The following GPC3 variants were observed in gnomAD, a reference collection of about 807,000 sequenced individuals.
GPC3 encodes the protein glypican-3.
Under a neutral mutation model 34.4 loss-of-function variants are expected in GPC3, and 3 were observed. The observed-to-expected ratio is 0.09, with a 90% CI of 0.04 to 0.23. The LOEUF is 0.23. Among genes scored for constraint, GPC3 ranks in the 10% least tolerant of loss-of-function variants. GPC3 has a pLI of 1.00. For synonymous variants in GPC3, 177 were observed against 174.0 expected (o/e 1.02, Z -0.13); for missense variants, 351 against 445.6 (o/e 0.79, Z 1.91).
chrX:133,857,676 T>G (rs1286296134), intron 2 of GPC3, among the ~76,000 whole-genome samples: 1 of 111,935 alleles, frequency 8.9e-6, no homozygotes, highest in Non-Finnish European at 1.9e-5. Flanking sequence ...AATGGAGAAC[T>G]GGGAAGCACC....
At chrX:133,960,625 A>T (rs1169130746) in intron 1 of GPC3, among the ~76,000 whole-genome samples, 4 of 111,502 alleles carry the variant, frequency 3.6e-5, no homozygotes, top group Non-Finnish European at 7.5e-5. Flanking sequence ...TGAAAATTGA[A>T]ATCTTTTCTA....
At chrX:133,650,199 C>G (rs1285953337) in intron 6 of GPC3, among the ~76,000 whole-genome samples, 2 of 111,576 alleles carry the variant, frequency 1.8e-5, no homozygotes, top group Non-Finnish European at 3.8e-5. Flanking sequence ...CCATCTTCAA[C>G]CAGAGAGCAA....
chrX:133,804,322 A>T (rs1306110585), intron 2 of GPC3, among the ~76,000 whole-genome samples: 1 of 110,997 alleles, frequency 9.0e-6, no homozygotes, highest in South Asian at 3.9e-4. Context: ...GCGGGGATCG[A>T]GCCCCATTCC....
At chrX:133,557,780 G>A (rs750648234) in intron 7 of GPC3, among the ~76,000 whole-genome samples, 1 of 111,361 alleles carries the variant, frequency 9.0e-6, no homozygotes, top group South Asian at 3.8e-4. Flanking sequence ...CCACTTGACC[G>A]AGAGTTTTTA....
chrX:133,768,963 A>G (rs745439733), intron 2 of GPC3, among the ~76,000 whole-genome samples: 11 of 111,168 alleles, frequency 9.9e-5, no homozygotes, highest in South Asian at 3.8e-4. Context: ...AGAAAGAAGA[A>G]AGAAAGAAAA....
chrX:133,800,991 T>A (rs1481936866), intron 2 of GPC3, among the ~76,000 whole-genome samples: 2 of 112,278 alleles, frequency 1.8e-5, no homozygotes, highest in Admixed American at 1.9e-4. Context: ...CTGCTTTGAT[T>A]TGAAGTCTAC....
intron 6 of GPC3, among the ~76,000 whole-genome samples, chrX:133,639,996 C>G (rs1268770241): frequency 9.0e-6 from 1 of 111,363 alleles, no homozygotes; most frequent in East Asian, 2.8e-4. Context: ...ATTTCAGTTT[C>G]CCAGCAGGGT....
At chrX:133,935,014 A>G (rs1233076218) in intron 2 of GPC3, among the ~76,000 whole-genome samples, 1 of 111,805 alleles carries the variant, frequency 8.9e-6, no homozygotes, top group Non-Finnish European at 1.9e-5. Flanking sequence ...CTCAGTACAT[A>G]CAAATTTGCT....
At chrX:133,858,997 C>T (rs923465911) in intron 2 of GPC3, among the ~76,000 whole-genome samples, 3 of 106,531 alleles carry the variant, frequency 2.8e-5, no homozygotes, top group East Asian at 3.0e-4. Flanking sequence ...AGGAGAATGG[C>T]GTGAACCCGG....
At chrX:133,652,818 A>C (rs1403593740) in intron 6 of GPC3, among the ~76,000 whole-genome samples, 1 of 112,491 alleles carries the variant, frequency 8.9e-6, no homozygotes, top group Non-Finnish European at 1.9e-5. Context: ...AGTTCAAGAC[A>C]AAAGAGCTCA....
chrX:133,572,945 T>A (rs1294889403), intron 7 of GPC3, among the ~76,000 whole-genome samples: 1 of 111,540 alleles, frequency 9.0e-6, no homozygotes, highest in Admixed American at 9.5e-5. Context: ...TAGGCAGAGA[T>A]ATCACAAGAA....
At chrX:133,581,821 G>A (rs2069734341) in intron 7 of GPC3, among the ~76,000 whole-genome samples, 1 of 112,454 alleles carries the variant, frequency 8.9e-6, no homozygotes, top group Non-Finnish European at 1.9e-5. Flanking sequence ...AGTGATAGGA[G>A]CAACTTCTTT....
At chrX:133,947,526 G>A (rs2076374169) in intron 2 of GPC3, among the ~76,000 whole-genome samples, 1 of 111,732 alleles carries the variant, frequency 8.9e-6, no homozygotes, top group Admixed American at 9.4e-5. Context: ...CTCTACTAAA[G>A]CCACAGAATT....
chrX:133,604,217 C>G (rs2070021400), intron 6 of GPC3, among the ~76,000 whole-genome samples: 1 of 111,472 alleles, frequency 9.0e-6, no homozygotes, highest in Non-Finnish European at 1.9e-5. Flanking sequence ...ATTTGCCCCC[C>G]AGGTCCAGAA....
At chrX:133,932,242 G>A (rs894718868) in intron 2 of GPC3, among the ~76,000 whole-genome samples, 5 of 112,188 alleles carry the variant, frequency 4.5e-5, no homozygotes, top group African/African-American at 1.6e-4. Context: ...TCTAAATGGT[G>A]CAACTCCCTT....
At chrX:133,856,860 G>A (rs1408587864) in intron 2 of GPC3, among the ~76,000 whole-genome samples, 1 of 111,536 alleles carries the variant, frequency 9.0e-6, no homozygotes, top group African/African-American at 3.3e-5. Context: ...AATACTTTTA[G>A]GCCCTATCTC....
chrX:133,681,842 T>A (rs753713109), intron 5 of GPC3, among the ~76,000 whole-genome samples: 1 of 111,998 alleles, frequency 8.9e-6, no homozygotes, highest in African/African-American at 3.2e-5. Flanking sequence ...GACAAAAATG[T>A]TTCAGGCGGG....
At chrX:133,739,263 G>A (rs187293374) in intron 3 of GPC3, among the ~76,000 whole-genome samples, 7 of 111,121 alleles carry the variant, frequency 6.3e-5, no homozygotes, top group Non-Finnish European at 1.1e-4. Context: ...CACAGAAGTC[G>A]GGTAAATATT....
intron 2 of GPC3, among the ~76,000 whole-genome samples, chrX:133,935,593 C>T (rs1488370122): frequency 9.0e-6 from 1 of 111,435 alleles, no homozygotes; most frequent in African/African-American, 3.3e-5. Context: ...TTTTCTTAAG[C>T]ATTGTATTTA....
Sources: allele counts gnomAD v4.1 joint callset (sites outside exome capture counted in the v4.1 genomes callset), GRCh38; gene constraint gnomAD v4.1.1; transcripts MANE v1.5; gene names NCBI Gene and HGNC (gene_info 2026-07-23, HGNC 2026-07-21).